ANKS1B: variants seen among roughly 807,000 people sequenced by gnomAD.
ANKS1B encodes the protein ankyrin repeat and sterile alpha motif domain containing 1B.
ANKS1B carries 36 observed loss-of-function variants against 148.3 expected under a neutral mutation model. The ratio of observed to expected loss-of-function variants is 0.24; its 90% CI spans 0.19 to 0.32. ANKS1B has a LOEUF of 0.32. Among genes scored for constraint, ANKS1B ranks in the 10% least tolerant of loss-of-function variants. ANKS1B has a pLI of 1.00. For missense variants in ANKS1B, 1,157 were observed against 1,542.6 expected, an observed-to-expected ratio of 0.75 and a Z score of 4.19; for synonymous variants, 542 against 560.8, an observed-to-expected ratio of 0.97 and a Z score of 0.47.
At chr12:99,652,082 T>TATATACACACAC (rs1567568270) in intron 9 of ANKS1B, among the ~76,000 whole-genome samples, 1 of 150,810 alleles carries the variant, frequency 6.6e-6, no homozygotes, top group African/African-American at 2.4e-5. Flanking sequence ...TGTATATATA[T>TATATACACACAC]ATATACACAC....
chr12:99,626,496 C>G (rs957484900), intron 9 of ANKS1B, among the ~76,000 whole-genome samples: 2 of 152,082 alleles, frequency 1.3e-5, no homozygotes, highest in African/African-American at 4.8e-5. Context: ...TTTCTTTTTT[C>G]TTTCCCCATC....
chr12:99,122,811 G>A (rs1169480995), intron 15 of ANKS1B, among the ~76,000 whole-genome samples: 1 of 151,868 alleles, frequency 6.6e-6, no homozygotes, highest in Non-Finnish European at 1.5e-5. Flanking sequence ...ATTATTTAAA[G>A]CATGGTACTA....
At chr12:99,496,720 A>G (rs1021819515) in intron 10 of ANKS1B, among the ~76,000 whole-genome samples, 2 of 142,136 alleles carry the variant, frequency 1.4e-5, no homozygotes, top group Non-Finnish European at 3.1e-5. Flanking sequence ...AGTACATCTG[A>G]TAATTTTTTT....
intron 1 of ANKS1B, among the ~76,000 whole-genome samples, chr12:99,899,166 T>C (rs1489104982): frequency 1.3e-5 from 2 of 152,214 alleles, no homozygotes; most frequent in Non-Finnish European, 2.9e-5. Context: ...AGGGAAGTAC[T>C]ATATTTATCT....
At chr12:99,610,820 T>C (rs2097895691) in intron 9 of ANKS1B, among the ~76,000 whole-genome samples, 1 of 152,064 alleles carries the variant, frequency 6.6e-6, no homozygotes, top group South Asian at 2.1e-4. Context: ...GAAATTTTTG[T>C]TACTGTAGAA....
At chr12:98,810,483 C>T (rs2099086159) in intron 19 of ANKS1B, among the ~76,000 whole-genome samples, 1 of 152,166 alleles carries the variant, frequency 6.6e-6, no homozygotes. Flanking sequence ...CTTCGAAGTA[C>T]CCGTCTCTGG....
intron 11 of ANKS1B, among the ~76,000 whole-genome samples, chr12:99,406,062 A>C (rs576518314): frequency 6.9e-6 from 1 of 145,830 alleles, no homozygotes; most frequent in East Asian, 1.9e-4. Flanking sequence ...AAACCCCAAT[A>C]CAATAGTAGC....
chr12:99,828,508 C>A (rs1336861004), intron 1 of ANKS1B, among the ~76,000 whole-genome samples: 1 of 151,936 alleles, frequency 6.6e-6, no homozygotes, highest in Non-Finnish European at 1.5e-5. Flanking sequence ...TGAGGAAAGC[C>A]TTTACTACTA....
chr12:99,740,308 T>A (rs1295722233), intron 8 of ANKS1B, among the ~76,000 whole-genome samples: 1 of 129,864 alleles, frequency 7.7e-6, no homozygotes, highest in African/African-American at 2.9e-5. Flanking sequence ...AGACCGTGTC[T>A]CAAAAACAAA....
intron 9 of ANKS1B, among the ~76,000 whole-genome samples, chr12:99,587,195 G>T (rs1423489491): frequency 6.6e-6 from 1 of 152,150 alleles, no homozygotes; most frequent in Admixed American, 6.5e-5. Flanking sequence ...CCACATACAT[G>T]AAGTATGCTT....
At chr12:98,797,945 C>T (rs1483659324) in intron 22 of ANKS1B, among the ~76,000 whole-genome samples, 1 of 152,096 alleles carries the variant, frequency 6.6e-6, no homozygotes, top group African/African-American at 2.4e-5. Context: ...CTGATATTCT[C>T]AATTTGTGCA....
intron 12 of ANKS1B, among the ~76,000 whole-genome samples, chr12:99,296,009 T>C (rs1297228450): frequency 1.3e-5 from 2 of 152,236 alleles, no homozygotes; most frequent in Non-Finnish European, 2.9e-5. Flanking sequence ...TATTTAATTT[T>C]TAATATGGTA....
intron 8 of ANKS1B, among the ~76,000 whole-genome samples, chr12:99,665,326 T>C (rs1013939067): frequency 6.6e-6 from 1 of 152,206 alleles, no homozygotes; most frequent in Non-Finnish European, 1.5e-5. Context: ...CAATAGTATG[T>C]AGTTATCAAA....
At position 99,465,531 on chromosome 12, in the gene ANKS1B, C is replaced by A. The variant is rs376467698; in HGVS notation, c.1439-21722G>T. On this transcript the variant is annotated intron_variant, in intron 10 of 26. Coordinates refer to ENST00000683438, the MANE Select transcript of ANKS1B (RefSeq NM_001352186.2). The stretch of plus-strand genomic sequence containing the variant: ...TAAAGAGTCAAGACCCATCAGTGTG[C>A]TGTATTCAGGAAACCCATCTCACGT... Among the ~76,000 whole-genome samples, 684 of 151,964 alleles carry A rather than the reference C, an allele frequency of 4.5e-3. 30 individuals carry two copies. The South Asian group carries it at 0.062, about 14-fold the overall frequency.
chr12:99,057,547 T>G (rs191530102), intron 16 of ANKS1B, among the ~76,000 whole-genome samples: 45 of 152,336 alleles, frequency 3.0e-4, no homozygotes, highest in Admixed American at 6.5e-4. Flanking sequence ...GACAGTTATT[T>G]TTTAGAAACA....
intron 17 of ANKS1B, among the ~76,000 whole-genome samples, chr12:98,836,546 A>G (rs190993408): frequency 9.2e-5 from 14 of 152,344 alleles, no homozygotes; most frequent in Non-Finnish European, 1.8e-4. Context: ...GTCAAGTCTG[A>G]AGGTGGCTGG....
chr12:99,499,209 T>A (rs1329970104), intron 10 of ANKS1B, among the ~76,000 whole-genome samples: 1 of 152,188 alleles, frequency 6.6e-6, no homozygotes, highest in African/African-American at 2.4e-5. Flanking sequence ...AATCATTTTT[T>A]AAAAACCACA....
At chr12:99,582,347 T>TAA (rs201837326) in intron 9 of ANKS1B, among the ~76,000 whole-genome samples, 1 of 151,030 alleles carries the variant, frequency 6.6e-6, no homozygotes, top group African/African-American at 2.4e-5. Flanking sequence ...TAGGTATTTT[T>TAA]TAAAAAAAAA....
chr12:99,449,870 AAT>A (rs1226662261), intron 10 of ANKS1B, among the ~76,000 whole-genome samples: 1 of 151,918 alleles, frequency 6.6e-6, no homozygotes, highest in Non-Finnish European at 1.5e-5. Flanking sequence ...TATCCAGAGA[AAT>A]AGGACCAACA....
Sources: gnomAD v4.1 joint callset for allele counts (sites outside exome capture counted in the v4.1 genomes callset) on GRCh38, gnomAD v4.1.1 for gene constraint, MANE v1.5 for transcripts, NCBI Gene and HGNC (gene_info 2026-07-23, HGNC 2026-07-21) for gene names.